DSE: variants seen among roughly 807,000 people sequenced by gnomAD.
DSE encodes dermatan-sulfate epimerase.
A neutral mutation model predicts 84.4 loss-of-function variants in DSE; 36 were observed. The ratio of observed to expected loss-of-function variants is 0.43; its 90% CI spans 0.33 to 0.56. The LOEUF (loss-of-function observed/expected upper bound fraction) is 0.56. DSE is among the 20% of genes least tolerant of loss of function. The pLI, the probability that DSE is intolerant of heterozygous loss-of-function variation, is 0.06. For synonymous variants in DSE, 410 were observed against 430.1 expected (o/e 0.95, Z 0.58); for missense variants, 862 against 1,169.6 (o/e 0.74, Z 3.84).
At chr6:116,260,333 T>A (rs1445244903) in intron 2 of DSE, among the ~76,000 whole-genome samples, 2 of 152,112 alleles carry the variant, frequency 1.3e-5, no homozygotes, top group African/African-American at 4.8e-5. Context: ...TTAATAGAGT[T>A]CTTTGTTTTT....
chr6:116,258,679 C>A (rs774640771), exon 2 of DSE: 8 of 1,608,580 alleles, frequency 5.0e-6, no homozygotes, highest in African/African-American at 1.3e-5. Flanking sequence ...CTGATTCACA[C>A]GGCGAAGTGG....
rs148394823 is a variant in DSE at position 116,436,551 on chromosome 6, G to A, written c.2083G>A (p.Ala695Thr). 37 of 1,614,024 alleles carry A rather than the reference G, an allele frequency of 2.3e-5. No homozygotes were observed. In the African/African-American group the frequency reaches 3.5e-4, roughly 15 times the overall value. The stretch of plus-strand genomic sequence containing the variant: ...CATAGCCACCAGCAAACATGCCTAC[G>A]CCACATACCTGTGGACAGGTGAGGC... ...VFIATSKHAYATYLWTGEATG... is the reference protein window; with the variant it reads ...VFIATSKHAYTTYLWTGEATG... The change falls in exon 6 of 6, where the codon GCC becomes ACC. Residue 695 changes from alanine (A) to threonine (T), a missense_variant. By Grantham distance (58) the Ala-to-Thr change is moderately conservative. Coordinates refer to ENST00000644252, the MANE Select transcript of DSE (RefSeq NM_013352.4).
chr6:116,323,717 GTT>G (rs1264054149), intron 2 of DSE, among the ~76,000 whole-genome samples: 6 of 152,106 alleles, frequency 3.9e-5, no homozygotes, highest in African/African-American at 1.2e-4. Flanking sequence ...TAAGAAATAT[GTT>G]TAATAGCATT....
chr6:116,284,895 AC>A (rs1562203533), intron 2 of DSE, among the ~76,000 whole-genome samples: 1 of 152,128 alleles, frequency 6.6e-6, no homozygotes, highest in Non-Finnish European at 1.5e-5. Context: ...TATATGTGCC[AC>A]GTTTACTTAA....
chr6:116,284,781 GT>G (rs1211626442), intron 2 of DSE, among the ~76,000 whole-genome samples: 1 of 150,314 alleles, frequency 6.7e-6, no homozygotes, highest in Non-Finnish European at 1.5e-5. Context: ...TTGGTTTTCT[GT>G]CCTTGCAATA....
At chr6:116,294,814 C>T (rs896001209) in intron 2 of DSE, among the ~76,000 whole-genome samples, 6 of 152,090 alleles carry the variant, frequency 3.9e-5, no homozygotes, top group Non-Finnish European at 8.8e-5. Context: ...AGTCTCTCCT[C>T]CAATTTCCTC....
chr6:116,263,546 T>A (rs1339927470), intron 2 of DSE, among the ~76,000 whole-genome samples: 1 of 152,186 alleles, frequency 6.6e-6, no homozygotes, highest in East Asian at 1.9e-4. Context: ...TAAGTCTTGA[T>A]TCTTTATCCA....
rs962796564 is a variant in DSE, at chr6:116,433,310, A to G, written c.911-33A>G. The G allele has an allele frequency of 1.4e-5, 22 of 1,545,738 alleles. No homozygotes were observed. In the Admixed American group the frequency reaches 4.3e-4, roughly 30 times the overall value. On this transcript the variant is annotated intron_variant, in intron 4 of 5. Transcript: ENST00000644252. ...CTATATAGGAGTGTGAAGTTTTCAAAGTATCTTAATTCTTTCCAACTTATT... is the reference window on the plus strand; with the variant it reads ...CTATATAGGAGTGTGAAGTTTTCAAGGTATCTTAATTCTTTCCAACTTATT...
intron 1 of DSE, chr6:116,258,355 C>A (rs1375080823): frequency 1.7e-6 from 1 of 594,436 alleles, no homozygotes; most frequent in Non-Finnish European, 3.0e-6. Flanking sequence ...ACTCCCTTTT[C>A]CTTTCTTGAA....
intron 1 of DSE, among the ~76,000 whole-genome samples, chr6:116,397,614 G>T (rs974335457): frequency 1.3e-5 from 2 of 152,110 alleles, no homozygotes; most frequent in Admixed American, 1.3e-4. Flanking sequence ...CCCTCCTCAG[G>T]CATAACCACA....
rs576520808 is a variant in DSE at position 116,389,058 on chromosome 6, G to A, written c.-53-10140G>A. Among the ~76,000 whole-genome samples the A allele has an allele frequency of 1.1e-4, 16 of 152,248 alleles. No individual in the cohort carries two copies. The South Asian group carries it at 3.1e-3, about 30-fold the overall frequency. On this transcript the variant is annotated intron_variant, in intron 1 of 5. Coordinates refer to ENST00000644252, the MANE Select transcript of DSE (RefSeq NM_013352.4). ...TTCTCTGAGTGATAGTTTTGTGAGC[G>A]TTTCCTCCTGGGGTCATGGTGCACT... is the stretch of plus-strand genomic sequence containing the variant.
At chr6:116,380,896 C>T (rs1011302361) in intron 1 of DSE, among the ~76,000 whole-genome samples, 4 of 152,102 alleles carry the variant, frequency 2.6e-5, no homozygotes, top group Non-Finnish European at 5.9e-5. Flanking sequence ...CTTACCGACC[C>T]TTTTTTAATG....
At position 116,439,028 on chromosome 6, in the gene DSE, C is replaced by T. The variant is rs1167245675; in HGVS notation, c.*1683C>T. On this transcript the variant is annotated 3_prime_UTR_variant, in exon 6 of 6. Coordinates refer to ENST00000644252, the MANE Select transcript of DSE (RefSeq NM_013352.4). ...AATGTTTTCAAAAGAATAATGCTTC[C>T]GTTTGTCCTGCATGGATGCTCTTAC... The T allele has an allele frequency of 1.3e-5, 2 of 152,108 alleles. No individual in the cohort carries two copies. Among genetic ancestry groups the T allele is most frequent in the Admixed American group, 6.5e-5 (1 of 15,270 alleles). 9.4% of individuals were successfully genotyped at this position (152,108 alleles called of 1,614,324 possible).
chr6:116,321,016 G>A (rs1441286303), intron 2 of DSE, among the ~76,000 whole-genome samples: 1 of 152,146 alleles, frequency 6.6e-6, no homozygotes, highest in East Asian at 1.9e-4. Context: ...AGGCTTGCTT[G>A]TGCTATGTGA....
intron 2 of DSE, among the ~76,000 whole-genome samples, chr6:116,405,819 A>T (rs1184418953): frequency 6.6e-6 from 1 of 152,082 alleles, no homozygotes; most frequent in Non-Finnish European, 1.5e-5. Flanking sequence ...CCCGAGGGAG[A>T]GGCATAGGCA....
chr6:116,322,352 T>C (rs1776378804), intron 2 of DSE, among the ~76,000 whole-genome samples: 1 of 152,134 alleles, frequency 6.6e-6, no homozygotes, highest in East Asian at 1.9e-4. Context: ...AGGCAGAAAT[T>C]GGGCATAAGA....
At chr6:116,385,833 A>G (rs1377215570) in intron 1 of DSE, among the ~76,000 whole-genome samples, 4 of 151,430 alleles carry the variant, frequency 2.6e-5, no homozygotes, top group Non-Finnish European at 5.9e-5. Context: ...AAAAAAGTAA[A>G]TTTTATCACT....
chr6:116,412,118 C>A (rs1319035386), intron 2 of DSE, among the ~76,000 whole-genome samples: 1 of 152,142 alleles, frequency 6.6e-6, no homozygotes, highest in Non-Finnish European at 1.5e-5. Flanking sequence ...AAGACATATT[C>A]TTTGAAACTG....
At chr6:116,291,514 G>T (rs1428411943) in intron 2 of DSE, among the ~76,000 whole-genome samples, 2 of 151,658 alleles carry the variant, frequency 1.3e-5, no homozygotes, top group Non-Finnish European at 2.9e-5. Flanking sequence ...GGGGGTGATG[G>T]TTAGGTAAAA....
Sources: allele counts gnomAD v4.1 joint callset (sites outside exome capture counted in the v4.1 genomes callset), GRCh38; gene constraint gnomAD v4.1.1; transcripts MANE v1.5; gene names NCBI Gene and HGNC (gene_info 2026-07-23, HGNC 2026-07-21).